The following GRIN2B variants were observed in gnomAD, a reference collection of about 807,000 sequenced individuals.
GRIN2B encodes the protein glutamate receptor ionotropic, NMDA 2B.
GRIN2B carries 5 observed loss-of-function variants against 114.5 expected under a neutral mutation model. That is an observed-to-expected ratio of 0.04 (90% CI 0.02 to 0.09). The LOEUF (loss-of-function observed/expected upper bound fraction) is 0.09. GRIN2B is among the 10% of genes least tolerant of loss of function. GRIN2B has a pLI of 1.00. For synonymous variants in GRIN2B, 787 were observed against 745.1 expected, an observed-to-expected ratio of 1.06 and a Z score of -0.92; for missense variants, 1,108 against 1,943.5, an observed-to-expected ratio of 0.57 and a Z score of 8.08.
At chr12:13,876,131 A>G (rs543341429) in intron 2 of GRIN2B, among the ~76,000 whole-genome samples, 1 of 152,354 alleles carries the variant, frequency 6.6e-6, no homozygotes, top group African/African-American at 2.4e-5. Context: ...GAAGATCCTT[A>G]TAATCTTTTG....
At chr12:13,829,602 A>G (rs1483043514) in intron 3 of GRIN2B, among the ~76,000 whole-genome samples, 4 of 152,108 alleles carry the variant, frequency 2.6e-5, no homozygotes, top group African/African-American at 9.7e-5. Context: ...CAGGTTAACT[A>G]AGTCTTGGTT....
chr12:13,605,283 C>T (rs913137678), intron 10 of GRIN2B, among the ~76,000 whole-genome samples: 14 of 152,020 alleles, frequency 9.2e-5, no homozygotes, highest in African/African-American at 3.4e-4. Context: ...CCCAGATGAG[C>T]TAGGGAAAGC....
chr12:13,713,896 G>A (rs571639453), intron 4 of GRIN2B, among the ~76,000 whole-genome samples: 30 of 151,694 alleles, frequency 2.0e-4, no homozygotes, highest in Non-Finnish European at 3.5e-4. Context: ...TGTTACCAGT[G>A]TTTTGTAAAG....
At chr12:13,930,586 T>G (rs219882) in intron 2 of GRIN2B, among the ~76,000 whole-genome samples, 115,577 of 151,880 alleles carry the variant, frequency 0.76, 44,809 homozygotes, top group Non-Finnish European at 0.86. Context: ...TTGGTTTGTC[T>G]ACATTTGAAT....
intron 2 of GRIN2B, among the ~76,000 whole-genome samples, chr12:13,924,114 G>C (rs904084114): frequency 1.4e-4 from 21 of 152,262 alleles, no homozygotes; most frequent in Admixed American, 1.4e-3. Flanking sequence ...GGGGGGACTA[G>C]TCAGTGCCAC....
At position 13,818,863 on chromosome 12, in the gene GRIN2B, A is replaced by G. The variant is rs542771174; in HGVS notation, c.411+46935T>C. ...ATCATCATACAGGGGTCTCTTTCAT[A>G]CTAAAAGCTGTTTAGCAACCCTAGC... On this transcript the variant is annotated intron_variant, in intron 3 of 13. Coordinates refer to ENST00000609686, the MANE Select transcript of GRIN2B (RefSeq NM_000834.5). 3.3e-5 allele frequency among the ~76,000 whole-genome samples: 5 copies of G among 152,290 alleles called. No individual in the cohort carries two copies. In the East Asian group the frequency reaches 9.7e-4, roughly 29 times the overall value.
intron 3 of GRIN2B, among the ~76,000 whole-genome samples, chr12:13,802,690 C>T (rs997469188): frequency 5.9e-5 from 9 of 152,022 alleles, no homozygotes; most frequent in Non-Finnish European, 1.3e-4. Flanking sequence ...AAATTTTTTA[C>T]ATAAATAGAA....
intron 4 of GRIN2B, among the ~76,000 whole-genome samples, chr12:13,744,558 TA>T: frequency 6.6e-6 from 1 of 151,472 alleles, no homozygotes; most frequent in Non-Finnish European, 1.5e-5. Flanking sequence ...AAACACCCAA[TA>T]AAGAAAGAGA....
intron 2 of GRIN2B, among the ~76,000 whole-genome samples, chr12:13,900,340 T>G (rs890277493): frequency 2.6e-5 from 4 of 151,754 alleles, no homozygotes; most frequent in Admixed American, 1.3e-4. Context: ...CTGGTCATGG[T>G]GGTGGACGCC....
At chr12:13,931,287 A>G (rs958344413) in intron 2 of GRIN2B, among the ~76,000 whole-genome samples, 1 of 152,124 alleles carries the variant, frequency 6.6e-6, no homozygotes, top group Non-Finnish European at 1.5e-5. Flanking sequence ...CATATCACCA[A>G]ATGCAATGGT....
intron 10 of GRIN2B, among the ~76,000 whole-genome samples, chr12:13,582,792 G>A (rs1444609510): frequency 6.6e-6 from 1 of 152,124 alleles, no homozygotes; most frequent in African/African-American, 2.4e-5. Flanking sequence ...CCCTCCTGCT[G>A]GAGCCGAAAC....
chr12:13,807,193 A>G (rs1030817566), intron 3 of GRIN2B, among the ~76,000 whole-genome samples: 2 of 152,154 alleles, frequency 1.3e-5, no homozygotes, highest in Non-Finnish European at 2.9e-5. Flanking sequence ...TATGAAAAAA[A>G]GGTGGTTGGA....
In GRIN2B at chr12:13,563,621, C is replaced by A; in HGVS notation, c.3617G>T (p.Trp1206Leu). ...GAAGTTGCCCCCGGACCGGTCCTCC[C>A]ACTCCACGTTGGTCAGGTTCTTCTC... Reference protein sequence around the residue: ...PWEKNLTNVEWEDRSGGNFCR... With the variant: ...PWEKNLTNVELEDRSGGNFCR... The change falls in exon 14 of 14, where the codon TGG (tryptophan) becomes TTG (leucine). Residue 1206 changes from tryptophan to leucine, a missense_variant. Around this residue, in one of 19 missense-constraint regions of GRIN2B, gnomAD observed 478 missense variants for 506.0 expected, o/e 0.94. Transcript: ENST00000609686. 1 of 1,614,054 alleles carries A rather than the reference C, an allele frequency of 6.2e-7. No individual in the cohort carries two copies. Among genetic ancestry groups the A allele is most frequent in the Non-Finnish European group, 8.5e-7 (1 of 1,180,028 alleles).
At chr12:13,636,104 A>T (rs978508872) in intron 5 of GRIN2B, among the ~76,000 whole-genome samples, 1 of 152,224 alleles carries the variant, frequency 6.6e-6, no homozygotes, top group Non-Finnish European at 1.5e-5. Context: ...TCTTCTAAAG[A>T]GGTGACATGT....
intron 4 of GRIN2B, among the ~76,000 whole-genome samples, chr12:13,727,645 T>C (rs1266828824): frequency 1.3e-5 from 2 of 152,162 alleles, no homozygotes; most frequent in African/African-American, 4.8e-5. Flanking sequence ...AAAAGCACAA[T>C]GTTTTACCCA....
intron 3 of GRIN2B, among the ~76,000 whole-genome samples, chr12:13,818,451 T>C (rs1864870727): frequency 6.6e-6 from 1 of 152,270 alleles, no homozygotes; most frequent in Non-Finnish European, 1.5e-5. Context: ...AGGCAGGATT[T>C]ATTTTTAAGA....
At chr12:13,863,026 T>G (rs1865773373) in intron 3 of GRIN2B, among the ~76,000 whole-genome samples, 1 of 152,208 alleles carries the variant, frequency 6.6e-6, no homozygotes, top group Non-Finnish European at 1.5e-5. Flanking sequence ...TAGAAAAGCA[T>G]CTAAAAGTCA....
chr12:13,687,181 T>C (rs1950180053), intron 4 of GRIN2B, among the ~76,000 whole-genome samples: 1 of 152,202 alleles, frequency 6.6e-6, no homozygotes, highest in Non-Finnish European at 1.5e-5. Flanking sequence ...GTTTTCTTTA[T>C]AGCAACACAA....
At chr12:13,953,104 C>G (rs1341252938) in intron 2 of GRIN2B, among the ~76,000 whole-genome samples, 1 of 152,036 alleles carries the variant, frequency 6.6e-6, no homozygotes, top group Non-Finnish European at 1.5e-5. Flanking sequence ...ACTTACATGG[C>G]TGACACCTGG....
Sources: allele counts gnomAD v4.1 joint callset (sites outside exome capture counted in the v4.1 genomes callset), GRCh38; gene constraint gnomAD v4.1.1; regional missense constraint gnomAD v4.1.1; transcripts MANE v1.5; gene names NCBI Gene and HGNC (gene_info 2026-07-23, HGNC 2026-07-21).